CERCAM: variants seen among roughly 807,000 people sequenced by gnomAD.
CERCAM encodes cerebral endothelial cell adhesion molecule, also known as inactive glycosyltransferase 25 family member 3.
Under a neutral mutation model 66.0 loss-of-function variants are expected in CERCAM, and 59 were observed. That is an observed-to-expected ratio of 0.89 (90% CI 0.73 to 1.11). The LOEUF (loss-of-function observed/expected upper bound fraction) is 1.11. Among genes scored for constraint, CERCAM ranks in the 50% most tolerant of loss-of-function variants. The pLI, the probability that CERCAM is intolerant of heterozygous loss-of-function variation, is 0.00. For synonymous variants in CERCAM, 318 were observed against 343.6 expected, an observed-to-expected ratio of 0.93 and a Z score of 0.83; for missense variants, 840 against 828.3, an observed-to-expected ratio of 1.01 and a Z score of -0.17.
rs760737375 is a variant in CERCAM, at chr9:128,428,966, C to A, written c.1000C>A (p.Arg334=). Residue 334 remains arginine (R), a synonymous_variant, in exon 8 of 13, where the codon CGG becomes AGG. Coordinates refer to ENST00000372838, the MANE Select transcript of CERCAM (RefSeq NM_016174.5). ...VISLARRPDR[R]ERMLASLWEM... is the part of the protein sequence containing the mutation. ...CAGCCTGGCTCGCAGGCCTGACCGT[C>A]GGGAACGCATGCTCGCCTCGCTCTG... 1.9e-6 allele frequency: 3 copies of A among 1,611,224 alleles called. No individual in the cohort carries two copies. Among genetic ancestry groups the A allele is most frequent in the South Asian group, 1.1e-5 (1 of 90,788 alleles).
chr9:128,431,093 C>T, intron 8 of CERCAM, 78 bp from the exon 9 acceptor site: 2 of 1,526,308 alleles, frequency 1.3e-6, no homozygotes, highest in Non-Finnish European at 1.8e-6. Flanking sequence ...TGTGACTGTC[C>T]CCAACATGCA....
chr9:128,420,898 G>T lies in CERCAM; in HGVS notation c.21G>T (p.Ala7=). The stretch of plus-strand genomic sequence containing the variant: ...CCGCCATGCGCGCTGCCCGCGCCGC[G>T]CCGCTGCTCCAGCTGCTGCTCCTGC... The part of the protein sequence containing the change: MRAARA[A]PLLQLLLLLG... The change falls in exon 1 of 13, where the codon GCG becomes GCT. Residue 7 remains alanine (A), a synonymous_variant. Coordinates refer to ENST00000372838, the MANE Select transcript of CERCAM (RefSeq NM_016174.5). This position sits in a 1 kb window ranked among gnomAD's most constrained non-coding sequence, Gnocchi z 5.0. The T allele has an allele frequency of 7.6e-7, 1 of 1,323,792 alleles. No homozygotes were observed. Among genetic ancestry groups the T allele is most frequent in the Non-Finnish European group, 9.6e-7 (1 of 1,039,908 alleles). 82.0% of individuals were successfully genotyped at this position (1,323,792 alleles called of 1,614,324 possible). A position where few individuals can be genotyped will look rare whatever the true frequency, so the allele number is the denominator to read the frequency against.
rs2131326578 is a variant in CERCAM, at chr9:128,422,905, A to G, written c.235A>G (p.Met79Val). 6 of 1,614,084 alleles carry G rather than the reference A, an allele frequency of 3.7e-6. No individual in the cohort carries two copies. Among genetic ancestry groups the G allele is most frequent in the South Asian group, 1.1e-5 (1 of 91,082 alleles). ...TDHNVDNTTEMLQEWLAAVGD... is the reference protein window; with the variant it reads ...TDHNVDNTTEVLQEWLAAVGD... ...CCACAATGTGGACAACACCACAGAG[A>G]TGCTGCAGGAGTGGCTGGCGGCTGT... The change falls in exon 2 of 13, where the codon ATG becomes GTG. Residue 79 changes from methionine (M) to valine (V), a missense_variant. Coordinates refer to ENST00000372838, the MANE Select transcript of CERCAM (RefSeq NM_016174.5).
Position 128,434,118 on chromosome 9 carries a change from T to C in CERCAM, c.1220T>C (p.Leu407Pro), listed in dbSNP as rs1283980118. Reference protein sequence around the residue: ...SIWEEVVARGLARVLVFEDDV... With the variant: ...SIWEEVVARGPARVLVFEDDV... ...ATGCCACAGGTGGTTGCCAGGGGCC[T>C]GGCCCGGGTCCTGGTGTTTGAGGAT... Residue 407 changes from leucine (L) to proline (P), a missense_variant, in exon 10 of 13, where the codon CTG (leucine) becomes CCG (proline). Physicochemically the swap from Leu to Pro is moderately conservative, Grantham distance 98 (BLOSUM62 -3). Transcript: ENST00000372838. The surrounding 1 kb of genome is among the most constrained non-coding windows in gnomAD (Gnocchi z 4.5). 4 of 1,614,128 alleles carry C rather than the reference T, an allele frequency of 2.5e-6. No individual in the cohort carries two copies. In the South Asian group the frequency reaches 4.4e-5, roughly 18 times the overall value.
intron 5 of CERCAM, among the ~76,000 whole-genome samples, chr9:128,426,710 A>G (rs1833855838): frequency 1.3e-5 from 2 of 152,138 alleles, no homozygotes; most frequent in South Asian, 2.1e-4. Context: ...TGCAGAGAAT[A>G]TGTAATTCCG....
rs912404817 is a variant in CERCAM at position 128,434,675 on chromosome 9, C to T, written c.1535+62C>T. 1.6e-5 allele frequency: 24 copies of T among 1,507,070 alleles called. No individual in the cohort carries two copies. The African/African-American group carries it at 3.3e-4, about 21-fold the overall frequency. The allele number at this position is 1,507,070 out of a possible 1,614,324, so 93.4% of individuals were successfully genotyped here. On this transcript the variant is annotated intron_variant, in intron 11 of 12. Transcript: ENST00000372838. This position sits in a 1 kb window ranked among gnomAD's most constrained non-coding sequence, Gnocchi z 4.5. ...AGGCGTCCCCTCCAGGAACTCACCT[C>T]AGTCAGCAGGAAGTCCCCTCACCTG...
Position 128,431,087 on chromosome 9 carries a change from A to G in CERCAM, c.1071-84A>G, listed in dbSNP as rs1833963070. The G allele has an allele frequency of 2.0e-6, 3 of 1,497,024 alleles. No individual in the cohort carries two copies. In the South Asian group the frequency reaches 3.7e-5, roughly 18 times the overall value. The allele number at this position is 1,497,024 out of a possible 1,614,324, so 92.7% of individuals were successfully genotyped here. A position where few individuals can be genotyped will look rare whatever the true frequency, so the allele number is the denominator to read the frequency against. ...CTTCTTCAAACCCGACTCCAGTGTG[A>G]CTGTCCCCAACATGCACAGGCCTGG... On this transcript the variant is annotated intron_variant, in intron 8 of 12. Transcript: ENST00000372838.
chr9:128,434,525 G>A lies in CERCAM; in HGVS notation c.1447G>A (p.Gly483Ser), dbSNP rs879032289. 2 of 1,612,964 alleles carry A rather than the reference G, an allele frequency of 1.2e-6. No individual in the cohort carries two copies. The highest frequency in any genetic ancestry group is 2.2e-5 in the South Asian group (2 of 91,078). ...WTLAYALRLAGARKLLASQPL... is the reference protein window; with the variant it reads ...WTLAYALRLASARKLLASQPL... ...GCTGGCCTATGCCCTGCGTCTGGCG[G>A]GTGCCCGCAAGCTGCTGGCCTCACA... is the stretch of plus-strand genomic sequence containing the variant. Residue 483 changes from glycine (G) to serine (S), a missense_variant, in exon 11 of 13, where the codon GGT (glycine) becomes AGT (serine). Coordinates refer to ENST00000372838, the MANE Select transcript of CERCAM (RefSeq NM_016174.5). This position sits in a 1 kb window ranked among gnomAD's most constrained non-coding sequence, Gnocchi z 4.5.
In CERCAM at chr9:128,434,123, C is replaced by A. The variant is rs776156593; in HGVS notation, c.1225C>A (p.Arg409=). Residue 409 remains arginine, a synonymous_variant, in exon 10 of 13, where the codon CGG becomes AGG. Transcript: ENST00000372838. This position sits in a 1 kb window ranked among gnomAD's most constrained non-coding sequence, Gnocchi z 4.5. ...WEEVVARGLA[R]VLVFEDDVRF... ...ACAGGTGGTTGCCAGGGGCCTGGCC[C>A]GGGTCCTGGTGTTTGAGGATGACGT... 8.2e-5 allele frequency: 132 copies of A among 1,613,974 alleles called. No homozygotes were observed. Among genetic ancestry groups the A allele is most frequent in the Non-Finnish European group, 1.1e-4 (126 of 1,180,012 alleles).
At position 128,430,989 on chromosome 9, in the gene CERCAM, A is replaced by G. The variant is rs561910661; in HGVS notation, c.1071-182A>G. 2.9e-5 allele frequency: 20 copies of G among 683,290 alleles called. No homozygotes were observed. The East Asian group carries it at 5.4e-4, about 18-fold the overall frequency. The allele number at this position is 683,290 out of a possible 1,614,324, so 42.3% of individuals were successfully genotyped here. ...GTGCCACTGCACTCCAGCCTGGGCA[A>G]CAGGGGCTCCAGTTCCCCAGGTCCA... is the stretch of plus-strand genomic sequence containing the variant. On this transcript the variant is annotated intron_variant, in intron 8 of 12. Transcript: ENST00000372838.
intron 11 of CERCAM, among the ~76,000 whole-genome samples, chr9:128,435,425 C>G (rs867055238): frequency 6.6e-6 from 1 of 152,140 alleles, no homozygotes. Flanking sequence ...TGAGCCACTG[C>G]GCTCGGCTGC....
At chr9:128,436,496 C>T (rs566421723) in intron 12 of CERCAM, among the ~76,000 whole-genome samples, 2 of 152,268 alleles carry the variant, frequency 1.3e-5, no homozygotes, top group South Asian at 4.1e-4. Flanking sequence ...GATCTGCCCG[C>T]CTCAGCTTCC....
chr9:128,425,586 A>T (rs1320446262), intron 5 of CERCAM, among the ~76,000 whole-genome samples: 1 of 148,416 alleles, frequency 6.7e-6, no homozygotes, highest in African/African-American at 2.5e-5. Flanking sequence ...ATCTTGGCTC[A>T]CTGCAACCTC....
intron 5 of CERCAM, among the ~76,000 whole-genome samples, chr9:128,426,353 G>A (rs1462531240): frequency 6.6e-6 from 1 of 152,024 alleles, no homozygotes; most frequent in Non-Finnish European, 1.5e-5. Context: ...GGCCAGGTGC[G>A]GTGGCTCACG....
In CERCAM at chr9:128,434,300, A is replaced by C. The variant is rs1588629473; in HGVS notation, c.1331+71A>C. ...CGGAGTCTGCCTTTTCCTGCTTGGGACCCTGGCCGGCCCATCCCCTGAGAG... is the reference window on the plus strand; with the variant it reads ...CGGAGTCTGCCTTTTCCTGCTTGGGCCCCTGGCCGGCCCATCCCCTGAGAG... On this transcript the variant is annotated intron_variant, in intron 10 of 12. Transcript: ENST00000372838. This position sits in a 1 kb window ranked among gnomAD's most constrained non-coding sequence, Gnocchi z 4.5. 1 of 1,603,822 alleles carries C rather than the reference A, an allele frequency of 6.2e-7. No homozygotes were observed. The highest frequency in any genetic ancestry group is 8.5e-7 in the Non-Finnish European group (1 of 1,174,140).
chr9:128,435,957 C>T (rs1263198801), intron 12 of CERCAM, 52 bp downstream of exon 12: 4 of 1,528,514 alleles, frequency 2.6e-6, no homozygotes, highest in Non-Finnish European at 8.8e-7. Context: ...GGCTTGCTCT[C>T]CCCTTTGATG....
At chr9:128,426,437 G>C (rs775233277) in intron 5 of CERCAM, among the ~76,000 whole-genome samples, 1 of 151,824 alleles carries the variant, frequency 6.6e-6, no homozygotes, top group Non-Finnish European at 1.5e-5. Context: ...ATCTTAAGAC[G>C]GTGAAACCCC....
At chr9:128,424,094 G>T in intron 3 of CERCAM, 44 bp from the exon 4 acceptor site, 1 of 1,596,052 alleles carries the variant, frequency 6.3e-7, no homozygotes, top group Non-Finnish European at 8.5e-7. Context: ...TTGGGGGGCT[G>T]CAGCCCAGGC....
chr9:128,428,974 C>T lies in CERCAM; in HGVS notation c.1008C>T (p.Arg336=), dbSNP rs775875045. Residue 336 remains arginine (R), a synonymous_variant, in exon 8 of 13, where the codon CGC becomes CGT. Transcript: ENST00000372838. ...SLARRPDRRE[R]MLASLWEMEI... ...CTCGCAGGCCTGACCGTCGGGAACG[C>T]ATGCTCGCCTCGCTCTGGGAGATGG... 30 of 1,611,594 alleles carry T rather than the reference C, an allele frequency of 1.9e-5. No homozygotes were observed. Among genetic ancestry groups the T allele is most frequent in the Non-Finnish European group, 2.4e-5 (28 of 1,179,332 alleles).
Sources: allele counts gnomAD v4.1 joint callset (sites outside exome capture counted in the v4.1 genomes callset), GRCh38; gene constraint gnomAD v4.1.1; non-coding constraint Gnocchi (gnomAD v3.1); transcripts MANE v1.5; gene names NCBI Gene and HGNC (gene_info 2026-07-23, HGNC 2026-07-21).